Variants in TRAPPC9 observed in about 807,000 individuals in gnomAD.
TRAPPC9 encodes the protein trafficking protein particle complex subunit 9.
TRAPPC9 carries 83 observed loss-of-function variants against 124.0 expected under a neutral mutation model. That is an observed-to-expected ratio of 0.67 (90% CI 0.56 to 0.80). The LOEUF is 0.80. Ranked by LOEUF, TRAPPC9 falls within the 30% of genes least tolerant of loss-of-function variation. The probability of loss-of-function intolerance (pLI) is 0.00; values close to 1 mark genes in which losing one functional copy is unlikely to be tolerated. For missense variants in TRAPPC9, 1,302 were observed against 1,508.3 expected (o/e 0.86, Z 2.27); for synonymous variants, 638 against 617.5 (o/e 1.03, Z -0.49).
At position 140,287,605 on chromosome 8, in the gene TRAPPC9, T is replaced by C. The variant is rs143344848; in HGVS notation, c.1981+3A>G. ...GCAGGAAGCATGAAGGGACTCTCCT[T>C]ACCGTTCACAGTAATCGTTCCAGTC... is the stretch of plus-strand genomic sequence containing the variant. On this transcript the variant is annotated splice_donor_region_variant and intron_variant, in intron 13 of 22. Coordinates refer to ENST00000438773, the MANE Select transcript of TRAPPC9 (RefSeq NM_001160372.4). 2.2e-5 allele frequency: 35 copies of C among 1,614,048 alleles called. No individual in the cohort carries two copies. Among genetic ancestry groups the C allele is most frequent in the Middle Eastern group, 1.6e-4 (1 of 6,062 alleles).
chr8:139,784,608 CATATATATATATATATATATAT>C (rs34583867), intron 21 of TRAPPC9, among the ~76,000 whole-genome samples: 39 of 88,656 alleles, frequency 4.4e-4, no homozygotes, highest in South Asian at 1.3e-3. Context: ...AAAAGACTGA[CATATATATATATATATATATAT>C]ATATATATAT....
chr8:140,035,753 G>A (rs1840834462), intron 17 of TRAPPC9, among the ~76,000 whole-genome samples: 1 of 152,144 alleles, frequency 6.6e-6, no homozygotes, highest in Non-Finnish European at 1.5e-5. Flanking sequence ...TAAAGGACAG[G>A]GCACTGTGAC....
At chr8:140,262,310 G>A (rs2064445264) in intron 15 of TRAPPC9, among the ~76,000 whole-genome samples, 1 of 151,828 alleles carries the variant, frequency 6.6e-6, no homozygotes, top group African/African-American at 2.4e-5. Context: ...CCAAGTGGCA[G>A]GCCAGACACC....
chr8:139,744,900 A>T (rs907334737), intron 21 of TRAPPC9, among the ~76,000 whole-genome samples: 1 of 152,214 alleles, frequency 6.6e-6, no homozygotes, highest in Non-Finnish European at 1.5e-5. Context: ...GTTGGAGAGG[A>T]GACCTGTACA....
intron 19 of TRAPPC9, chr8:139,932,689 C>T: frequency 2.6e-6 from 1 of 378,524 alleles, no homozygotes; most frequent in East Asian, 7.3e-5. Flanking sequence ...GCCTGAACCC[C>T]AGAGGTGGAG....
rs375992371 is a variant in TRAPPC9 at position 139,998,769 on chromosome 8, G to A, written c.2700-9933C>T. Among the ~76,000 whole-genome samples, 28 of 151,998 alleles carry A rather than the reference G, an allele frequency of 1.8e-4. 1 individual carries two copies. The South Asian group carries it at 4.2e-3, about 23-fold the overall frequency. ...AACAAAACAAAAAAAAACAATGAAC[G>A]ATATATGATGAATACAAGCTAAAAT... On this transcript the variant is annotated intron_variant, in intron 18 of 22. Transcript: ENST00000438773.
intron 19 of TRAPPC9, among the ~76,000 whole-genome samples, chr8:139,920,103 T>C (rs1262188201): frequency 6.6e-6 from 1 of 152,190 alleles, no homozygotes; most frequent in Non-Finnish European, 1.5e-5. Flanking sequence ...CCCAGCACTT[T>C]GGGAGGCTAA....
chr8:140,116,706 G>A (rs183569032), intron 17 of TRAPPC9, among the ~76,000 whole-genome samples: 1 of 152,250 alleles, frequency 6.6e-6, no homozygotes, highest in African/African-American at 2.4e-5. Context: ...CCCACGTCTG[G>A]GGTACACACT....
chr8:139,927,913 C>A (rs1832905302), intron 19 of TRAPPC9, among the ~76,000 whole-genome samples: 2 of 152,182 alleles, frequency 1.3e-5, no homozygotes, highest in African/African-American at 4.8e-5. Flanking sequence ...AAGAGCTAAT[C>A]CACGGCAGAA....
chr8:140,351,672 A>G (rs1427548049), intron 9 of TRAPPC9, among the ~76,000 whole-genome samples: 1 of 152,222 alleles, frequency 6.6e-6, no homozygotes, highest in Non-Finnish European at 1.5e-5. Context: ...TGCAAATACT[A>G]TGCCATTTTA....
chr8:140,284,060 G>A, intron 13 of TRAPPC9, 39 bp from the exon 14 acceptor site: 1 of 1,613,088 alleles, frequency 6.2e-7, no homozygotes, highest in Non-Finnish European at 8.5e-7. Context: ...CACTGGCAAG[G>A]CTTTGGGTCT....
At chr8:139,783,483 C>T (rs1821975013) in intron 21 of TRAPPC9, among the ~76,000 whole-genome samples, 1 of 152,164 alleles carries the variant, frequency 6.6e-6, no homozygotes, top group African/African-American at 2.4e-5. Flanking sequence ...AAAGAAGAAA[C>T]AGCTAATCAG....
At chr8:140,007,764 GTTA>G (rs1224276507) in intron 18 of TRAPPC9, among the ~76,000 whole-genome samples, 8 of 151,804 alleles carry the variant, frequency 5.3e-5, no homozygotes, top group African/African-American at 1.7e-4. Flanking sequence ...CTTTAAATCT[GTTA>G]TTATTTTAAA....
At chr8:140,337,676 C>A (rs1285435047) in intron 9 of TRAPPC9, among the ~76,000 whole-genome samples, 1 of 152,182 alleles carries the variant, frequency 6.6e-6, no homozygotes, top group Admixed American at 6.5e-5. Context: ...CTGCCTCCCC[C>A]ACCAAAATGG....
At chr8:139,941,643 A>T (rs755596410) in intron 19 of TRAPPC9, among the ~76,000 whole-genome samples, 3 of 152,244 alleles carry the variant, frequency 2.0e-5, no homozygotes, top group Non-Finnish European at 4.4e-5. Flanking sequence ...GGCTAGTCAC[A>T]GGTATCTACA....
At chr8:139,813,478 T>A (rs933589970) in intron 21 of TRAPPC9, among the ~76,000 whole-genome samples, 14 of 152,192 alleles carry the variant, frequency 9.2e-5, no homozygotes, top group Admixed American at 7.2e-4. Context: ...GCCGCAGGAA[T>A]GAGACTTGGT....
intron 10 of TRAPPC9, among the ~76,000 whole-genome samples, chr8:140,303,039 G>C (rs536805373): frequency 8.5e-5 from 13 of 152,302 alleles, no homozygotes; most frequent in African/African-American, 1.9e-4. Context: ...ATCCTGATTG[G>C]TGTCTGGGAG....
At chr8:139,970,574 G>A (rs954487682) in intron 19 of TRAPPC9, among the ~76,000 whole-genome samples, 9 of 152,230 alleles carry the variant, frequency 5.9e-5, no homozygotes, top group South Asian at 2.1e-4. Context: ...ACGGAGGGGC[G>A]CGGCTTCCCT....
chr8:139,874,382 A>G (rs1012496995), intron 21 of TRAPPC9, among the ~76,000 whole-genome samples: 3 of 152,214 alleles, frequency 2.0e-5, no homozygotes, highest in African/African-American at 7.2e-5. Flanking sequence ...ATGCTGCTGC[A>G]TTCTCAGGCA....
Sources: gnomAD v4.1 joint callset for allele counts (sites outside exome capture counted in the v4.1 genomes callset) on GRCh38, gnomAD v4.1.1 for gene constraint, MANE v1.5 for transcripts, NCBI Gene and HGNC (gene_info 2026-07-23, HGNC 2026-07-21) for gene names.